The following FDXR variants were observed in gnomAD, a reference collection of about 807,000 sequenced individuals.
FDXR encodes ferredoxin reductase, also known as NADPH:adrenodoxin oxidoreductase, mitochondrial.
In FDXR, 38 loss-of-function variants were observed where a neutral mutation model predicts 58.3. The ratio of observed to expected loss-of-function variants is 0.65; its 90% CI spans 0.50 to 0.85. The LOEUF (loss-of-function observed/expected upper bound fraction) is 0.85, where lower values mean the gene tolerates loss of function less well. FDXR is among the 40% of genes least tolerant of loss of function. The pLI is 0.00. For missense variants in FDXR, 624 were observed against 671.0 expected, an observed-to-expected ratio of 0.93 and a Z score of 0.77; for synonymous variants, 275 against 273.8, an observed-to-expected ratio of 1.00 and a Z score of -0.04.
chr17:74,866,259 C>G lies in FDXR; in HGVS notation c.394-15G>C. The G allele has an allele frequency of 1.2e-6, 2 of 1,608,066 alleles. No homozygotes were observed. The highest frequency in any genetic ancestry group is 1.7e-6 in the Non-Finnish European group (2 of 1,175,472). On this transcript the variant is annotated splice_polypyrimidine_tract_variant and intron_variant, in intron 4 of 11. Transcript: ENST00000293195. ...GCCCCGTAGCTCTGATGAAAGATGG[C>G]AGGCCCGAGACCCACAGCCTTCAGC... is the stretch of plus-strand genomic sequence containing the variant.
chr17:74,866,977 C>G (rs1302823077), intron 2 of FDXR, 101 bp from the exon 3 acceptor site: 2 of 1,534,638 alleles, frequency 1.3e-6, no homozygotes, highest in Admixed American at 4.1e-5. Flanking sequence ...GTTCAGGACC[C>G]TGGGCTGAGA....
intron 10 of FDXR, 25 bp downstream of exon 10, chr17:74,863,871 A>C (rs778249317): frequency 7.5e-5 from 120 of 1,599,690 alleles, no homozygotes; most frequent in Non-Finnish European, 9.8e-5. Context: ...ATAATTCAGC[A>C]CCCAGCCTCC....
chr17:74,870,516 CAAAAAAAAAA>C (rs1168237892), intron 2 of FDXR, among the ~76,000 whole-genome samples: 3 of 55,008 alleles, frequency 5.5e-5, no homozygotes, highest in Middle Eastern at 0.019. Context: ...GACTCCATCT[CAAAAAAAAAA>C]AAAAAAAAAA....
Position 74,863,776 on chromosome 17 carries a change from C to G in FDXR, c.1174+120G>C, listed in dbSNP as rs140703883. The G allele has an allele frequency of 5.4e-6, 7 of 1,301,816 alleles. No homozygotes were observed. In the East Asian group the frequency reaches 1.4e-4, roughly 26 times the overall value. The allele number at this position is 1,301,816 out of a possible 1,614,324, so 80.6% of individuals were successfully genotyped here. A position where few individuals can be genotyped will look rare whatever the true frequency, so the allele number is the denominator to read the frequency against. ...GGGCGGCACTGGGTCCTAGAGAGGG[C>G]CTGCCCTGCAGAAGCTTCTCAGTAC... On this transcript the variant is annotated intron_variant, in intron 10 of 11. Transcript: ENST00000293195.
chr17:74,865,920 C>A, intron 5 of FDXR, 100 bp from the exon 6 acceptor site: 1 of 1,006,444 alleles, frequency 9.9e-7, no homozygotes. Flanking sequence ...TGCCCTGGGG[C>A]TTCCCCACAC....
At chr17:74,867,019 G>C in intron 2 of FDXR, 143 bp from the exon 3 acceptor site, 1 of 1,477,318 alleles carries the variant, frequency 6.8e-7, no homozygotes, top group Non-Finnish European at 9.0e-7. Flanking sequence ...CAAGGAAAAA[G>C]AGCACTCACT....
chr17:74,863,696 G>A (rs933689501), intron 10 of FDXR, among the ~76,000 whole-genome samples, 200 bp downstream of exon 10: 6 of 152,188 alleles, frequency 3.9e-5, no homozygotes, highest in Admixed American at 1.3e-4. Context: ...TTAATGACCC[G>A]ACGTATGTCA....
In FDXR at chr17:74,862,861, T is replaced by G; in HGVS notation, c.1432A>C (p.Lys478Gln). Reference sequence around the variant, plus strand: ...AGCATCTCCTGAGGATCCACCAGCTTCTCCCTGGGCTTCCCCGTGCCCTGG... The same window carrying G: ...AGCATCTCCTGAGGATCCACCAGCTGCTCCCTGGGCTTCCCCGTGCCCTGG... Reference protein sequence around the residue: ...RGQGTGKPREKLVDPQEMLRL... With the variant: ...RGQGTGKPREQLVDPQEMLRL... The change falls in exon 12 of 12, where the codon AAG becomes CAG. Residue 478 changes from lysine (K) to glutamine (Q), a missense_variant. By Grantham distance (53) the Lys-to-Gln change is moderately conservative (BLOSUM62 1). Transcript: ENST00000293195. 6.2e-7 allele frequency: 1 copy of G among 1,612,970 alleles called. No homozygotes were observed. Among genetic ancestry groups the G allele is most frequent in the African/African-American group, 1.3e-5 (1 of 75,018 alleles).
At chr17:74,868,589 C>T (rs995489653) in intron 2 of FDXR, 1 of 1,535,596 alleles carries the variant, frequency 6.5e-7, no homozygotes, top group Non-Finnish European at 8.7e-7. Flanking sequence ...AGATCCTTCA[C>T]TCTGGGTCAC....
chr17:74,863,564 T>C (rs1171375987), intron 10 of FDXR, among the ~76,000 whole-genome samples: 1 of 152,216 alleles, frequency 6.6e-6, no homozygotes, highest in Non-Finnish European at 1.5e-5. Context: ...TAGATAGGTA[T>C]GTGGGCACTT....
chr17:74,872,297 T>C (rs888485893), intron 1 of FDXR, 164 bp from the exon 2 acceptor site: 1 of 1,535,678 alleles, frequency 6.5e-7, no homozygotes, highest in Non-Finnish European at 8.7e-7. Flanking sequence ...GGTCTCTTAC[T>C]TCATCTGAAC....
Position 74,866,460 on chromosome 17 carries a change from G to T in FDXR, c.379C>A (p.His127Asn). 6.2e-7 allele frequency: 1 copy of T among 1,613,192 alleles called. No individual in the cohort carries two copies. The highest frequency in any genetic ancestry group is 8.5e-7 in the Non-Finnish European group (1 of 1,179,794). Residue 127 changes from histidine to asparagine, a missense_variant, in exon 4 of 12, where the codon CAC (histidine) becomes AAC (asparagine). By Grantham distance (68) the His-to-Asn change is moderately conservative. Transcript: ENST00000293195. ...VTVPELQEAY[H>N]AVVLSYGAED... is the part of the protein sequence containing the mutation. The stretch of plus-strand genomic sequence containing the variant: ...GCTGCACTCACCAGCACCACAGCGT[G>T]GTAGGCCTCCTGCAGCTCCGGCACC...
intron 3 of FDXR, 66 bp from the exon 4 acceptor site, chr17:74,866,634 C>T: frequency 6.2e-7 from 1 of 1,605,564 alleles, no homozygotes; most frequent in East Asian, 2.2e-5. Context: ...AAGTCTGCAC[C>T]ACCCTCACCA....
intron 2 of FDXR, among the ~76,000 whole-genome samples, chr17:74,871,762 C>A (rs942760782): frequency 3.9e-5 from 6 of 152,172 alleles, no homozygotes; most frequent in African/African-American, 1.4e-4. Context: ...TCTACATAAG[C>A]CCCCTGGAGT....
chr17:74,869,117 A>T (rs759653291), intron 2 of FDXR, among the ~76,000 whole-genome samples: 3 of 152,100 alleles, frequency 2.0e-5, no homozygotes, highest in Non-Finnish European at 4.4e-5. Flanking sequence ...CCCCACTGCT[A>T]TCTGGCCACC....
rs1188681363 is a variant in FDXR, at chr17:74,865,795, G to A, written c.533C>T (p.Thr178Ile). 1.2e-6 allele frequency: 2 copies of A among 1,613,646 alleles called. No individual in the cohort carries two copies. The highest frequency in any genetic ancestry group is 1.7e-6 in the Non-Finnish European group (2 of 1,179,898). ...GTTCCCCTGCCCCAGAATCACGGCT[G>A]TGTCACAGCTCAGGTCTGGCTCCAG... ...QELEPDLSCD[T>I]AVILGQGNVA... The change falls in exon 6 of 12, where the codon ACA (threonine) becomes ATA (isoleucine). Residue 178 changes from threonine (T) to isoleucine (I), a missense_variant. Physicochemically the swap from Thr to Ile is moderately conservative, Grantham distance 89. Coordinates refer to ENST00000293195, the MANE Select transcript of FDXR (RefSeq NM_024417.5).
chr17:74,863,131 G>T lies in FDXR; in HGVS notation c.1290C>A (p.Leu430=). ...CGTAGCCAGGCCTGGGGCCAGAGGGGAGCAACCCAGCCTTCAGGTCCTGCA... is the reference window on the plus strand; with the variant it reads ...CGTAGCCAGGCCTGGGGCCAGAGGGTAGCAACCCAGCCTTCAGGTCCTGCA... ...MLLQDLKAGL[L]PSGPRPGYAA... Residue 430 remains leucine (L), a synonymous_variant, in exon 11 of 12, where the codon CTC becomes CTA. Coordinates refer to ENST00000293195, the MANE Select transcript of FDXR (RefSeq NM_024417.5). 6.2e-7 allele frequency: 1 copy of T among 1,613,720 alleles called. No individual in the cohort carries two copies. The highest frequency in any genetic ancestry group is 8.5e-7 in the Non-Finnish European group (1 of 1,179,992).
chr17:74,865,627 T>C, intron 6 of FDXR, 92 bp downstream of exon 6: 1 of 830,084 alleles, frequency 1.2e-6, no homozygotes, highest in South Asian at 1.6e-5. Context: ...GAGCCCAGCT[T>C]GGAGAGGTAA....
chr17:74,872,381 CCAA>C (rs759549541), intron 1 of FDXR: 33 of 959,284 alleles, frequency 3.4e-5, no homozygotes, highest in East Asian at 2.1e-4. Flanking sequence ...AATGGCCTGC[CCAA>C]CAACACTTCA....
Sources: gnomAD v4.1 joint callset for allele counts (sites outside exome capture counted in the v4.1 genomes callset) on GRCh38, gnomAD v4.1.1 for gene constraint, MANE v1.5 for transcripts, NCBI Gene and HGNC (gene_info 2026-07-23, HGNC 2026-07-21) for gene names.